TNFRSF8: variants seen among roughly 807,000 people sequenced by gnomAD.
The protein encoded by TNFRSF8 is tumor necrosis factor receptor superfamily member 8.
TNFRSF8 carries 26 observed loss-of-function variants against 70.8 expected under a neutral mutation model. That is an observed-to-expected ratio of 0.37 (90% CI 0.27 to 0.51). The LOEUF (loss-of-function observed/expected upper bound fraction) is 0.51, where lower values mean the gene tolerates loss of function less well. TNFRSF8 is among the 20% of genes least tolerant of loss of function. TNFRSF8 has a pLI of 0.94. For missense variants in TNFRSF8, 720 were observed against 807.9 expected (o/e 0.89, Z 1.32); for synonymous variants, 356 against 339.2 (o/e 1.05, Z -0.54).
rs891875372 is a variant in TNFRSF8 at position 12,110,845 on chromosome 1, A to T, written c.676+641A>T. 1.4e-5 allele frequency among the ~76,000 whole-genome samples: 2 copies of T among 142,010 alleles called. No individual in the cohort carries two copies. Among genetic ancestry groups the T allele is most frequent in the African/African-American group, 5.4e-5 (2 of 37,002 alleles). 93.2% of individuals were successfully genotyped at this position (142,010 alleles called of 152,430 possible). A position where few individuals can be genotyped will look rare whatever the true frequency, so the allele number is the denominator to read the frequency against. ...ACTCCCGACCTCAGGTGATCCGCCC[A>T]CCTCGGCCTCCCAAAGTGCTGGGAG... is the stretch of plus-strand genomic sequence containing the variant. On this transcript the variant is annotated intron_variant, in intron 6 of 14. Coordinates refer to ENST00000263932, the MANE Select transcript of TNFRSF8 (RefSeq NM_001243.5). This position sits in a 1 kb window ranked among gnomAD's most constrained non-coding sequence, Gnocchi z 4.0.
At chr1:12,067,598 A>G (rs181308790) in intron 1 of TNFRSF8, among the ~76,000 whole-genome samples, 6 of 152,084 alleles carry the variant, frequency 3.9e-5, no homozygotes, top group Non-Finnish European at 8.8e-5. Flanking sequence ...CTGAGGCAGG[A>G]GAATCGCTTG....
intron 13 of TNFRSF8, among the ~76,000 whole-genome samples, chr1:12,137,725 G>T (rs1377691805): frequency 6.6e-6 from 1 of 152,106 alleles, no homozygotes; most frequent in African/African-American, 2.4e-5. Context: ...GGATGTCGGG[G>T]CTGGGGAGCT....
intron 1 of TNFRSF8, among the ~76,000 whole-genome samples, chr1:12,081,455 C>A (rs755209955): frequency 6.6e-6 from 1 of 152,010 alleles, no homozygotes; most frequent in African/African-American, 2.4e-5. Context: ...AGGTTCCTGC[C>A]CCCCTGGAGA....
rs982123520 is a variant in TNFRSF8, at chr1:12,141,954, G to A, written c.1544-333G>A. 2.6e-5 allele frequency among the ~76,000 whole-genome samples: 4 copies of A among 152,186 alleles called. No individual in the cohort carries two copies. The highest frequency in any genetic ancestry group is 1.9e-4 in the East Asian group (1 of 5,194). ...CTGCTCAGCTCTGCTGTTTCTGCTC[G>A]TGCTCTGGTTACCCACGGCTTTGCC... On this transcript the variant is annotated intron_variant, in intron 14 of 14. Transcript: ENST00000263932. This position sits in a 1 kb window ranked among gnomAD's most constrained non-coding sequence, Gnocchi z 5.4.
intron 1 of TNFRSF8, among the ~76,000 whole-genome samples, chr1:12,065,605 T>C (rs1229198110): frequency 6.6e-6 from 1 of 152,196 alleles, no homozygotes; most frequent in Non-Finnish European, 1.5e-5. Flanking sequence ...TTAATAGACA[T>C]ATATATAGTT....
chr1:12,087,151 T>TTC (rs1413824094), intron 2 of TNFRSF8, among the ~76,000 whole-genome samples: 3 of 142,612 alleles, frequency 2.1e-5, no homozygotes, highest in Admixed American at 7.1e-5. Flanking sequence ...AAATTTTTAT[T>TTC]TCTCTCTCTC....
At chr1:12,136,870 C>CTTTTTTTTTTTTTTTTTTTTTT (rs201470263) in intron 13 of TNFRSF8, among the ~76,000 whole-genome samples, 3 of 118,696 alleles carry the variant, frequency 2.5e-5, no homozygotes, top group Non-Finnish European at 3.5e-5. Flanking sequence ...ATACTCAGTT[C>CTTTTTTTTTTTTTTTTTTTTTT]TTTTTTTTTT....
intron 1 of TNFRSF8, among the ~76,000 whole-genome samples, chr1:12,069,912 G>A (rs76497475): frequency 0.094 from 14,335 of 152,228 alleles, 785 homozygotes; most frequent in Middle Eastern, 0.14. Flanking sequence ...AAAAGAGGGA[G>A]GCAGCCAGTG....
Position 12,110,352 on chromosome 1 carries a change from C to A in TNFRSF8, c.676+148C>A. ...GACGGTGGTAAGGTATGATCTAGGG[C>A]TGAAAGCATTGAGGGGCAGAGGTAG... On this transcript the variant is annotated intron_variant, in intron 6 of 14. Coordinates refer to ENST00000263932, the MANE Select transcript of TNFRSF8 (RefSeq NM_001243.5). The surrounding 1 kb of genome is among the most constrained non-coding windows in gnomAD (Gnocchi z 4.0). 2.3e-6 allele frequency: 2 copies of A among 851,498 alleles called. No homozygotes were observed. Among genetic ancestry groups the A allele is most frequent in the Non-Finnish European group, 3.4e-6 (2 of 582,650 alleles). 52.7% of individuals were successfully genotyped at this position (851,498 alleles called of 1,614,324 possible).
chr1:12,095,575 A>G (rs1641319097), intron 2 of TNFRSF8, among the ~76,000 whole-genome samples: 1 of 152,238 alleles, frequency 6.6e-6, no homozygotes, highest in South Asian at 2.1e-4. Context: ...GGCGTGAGCC[A>G]CCGCACCCGG....
At chr1:12,120,485 A>G (rs1641810010) in intron 8 of TNFRSF8, among the ~76,000 whole-genome samples, 1 of 152,228 alleles carries the variant, frequency 6.6e-6, no homozygotes, top group Non-Finnish European at 1.5e-5. Flanking sequence ...CGGGAAAAGA[A>G]AAAGATGACA....
chr1:12,068,517 G>A (rs1640781606), intron 1 of TNFRSF8, among the ~76,000 whole-genome samples: 1 of 152,134 alleles, frequency 6.6e-6, no homozygotes, highest in African/African-American at 2.4e-5. Context: ...GTCCACCCAG[G>A]GGATACTGGG....
At position 12,138,144 on chromosome 1, in the gene TNFRSF8, A is replaced by T; in HGVS notation, c.1336-85A>T. The T allele has an allele frequency of 7.1e-7, 1 of 1,405,596 alleles. No homozygotes were observed. The highest frequency in any genetic ancestry group is 1.3e-5 in the South Asian group (1 of 74,832). The allele number at this position is 1,405,596 out of a possible 1,614,324, so 87.1% of individuals were successfully genotyped here. On this transcript the variant is annotated intron_variant, in intron 13 of 14. Coordinates refer to ENST00000263932, the MANE Select transcript of TNFRSF8 (RefSeq NM_001243.5). This position sits in a 1 kb window ranked among gnomAD's most constrained non-coding sequence, Gnocchi z 5.7. Reference sequence around the variant, plus strand: ...GGGGGACTCACTGGGGTCTGTAGAGATGAAAAAAAAAAGGGGCCTCCCAGT... The same window carrying T: ...GGGGGACTCACTGGGGTCTGTAGAGTTGAAAAAAAAAAGGGGCCTCCCAGT...
At position 12,113,489 on chromosome 1, in the gene TNFRSF8, G is replaced by GAC. The variant is rs1463044560; in HGVS notation, c.793+1476_793+1477insCA. On this transcript the variant is annotated intron_variant, in intron 7 of 14. Coordinates refer to ENST00000263932, the MANE Select transcript of TNFRSF8 (RefSeq NM_001243.5). The surrounding 1 kb of genome is among the most constrained non-coding windows in gnomAD (Gnocchi z 4.9). ...GCCCCCGGCCATAAAAGTCTTGAGA[G>GAC]AGAGAGACAGACAGAAAGAGAGAGT... Among the ~76,000 whole-genome samples the GAC allele has an allele frequency of 6.6e-6, 1 of 152,076 alleles. No individual in the cohort carries two copies. The highest frequency in any genetic ancestry group is 6.6e-5 in the Admixed American group (1 of 15,252).
intron 1 of TNFRSF8, among the ~76,000 whole-genome samples, chr1:12,069,568 C>G (rs1640807033): frequency 6.6e-6 from 1 of 152,222 alleles, no homozygotes. Context: ...TCCCCGGAGT[C>G]TCTCAGCCAG....
chr1:12,084,316 G>A (rs907619624), intron 1 of TNFRSF8, 148 bp from the exon 2 acceptor site: 26 of 711,978 alleles, frequency 3.7e-5, no homozygotes, highest in South Asian at 2.1e-4. Context: ...GCGTAAGGGC[G>A]GTGTGGGTTT....
At chr1:12,097,065 C>G in intron 2 of TNFRSF8, 36 bp from the exon 3 acceptor site, 1 of 1,578,382 alleles carries the variant, frequency 6.3e-7, no homozygotes, top group Non-Finnish European at 8.7e-7. Flanking sequence ...TTTGCTAAGT[C>G]AGCCTGGCTT....
chr1:12,100,178 T>A (rs892613053), intron 3 of TNFRSF8, among the ~76,000 whole-genome samples: 42 of 151,364 alleles, frequency 2.8e-4, no homozygotes, highest in African/African-American at 9.0e-4. Context: ...AAAAAAAAAA[T>A]ATGATATGAA....
chr1:12,085,077 AGT>A (rs1641130466), intron 2 of TNFRSF8, among the ~76,000 whole-genome samples: 1 of 152,308 alleles, frequency 6.6e-6, no homozygotes, highest in Middle Eastern at 3.4e-3. Context: ...GGGGCCCAGA[AGT>A]CCTTTGCAGT....
Sources: gnomAD v4.1 joint callset for allele counts (sites outside exome capture counted in the v4.1 genomes callset) on GRCh38, gnomAD v4.1.1 for gene constraint, Gnocchi (gnomAD v3.1) non-coding constraint, MANE v1.5 for transcripts, NCBI Gene and HGNC (gene_info 2026-07-23, HGNC 2026-07-21) for gene names.